Variants in HMGB1 observed in about 807,000 individuals in gnomAD.
HMGB1 encodes the protein high mobility group box 1.
For synonymous variants in HMGB1, 81 were observed against 84.0 expected (o/e 0.96, Z 0.19); for missense variants, 79 against 253.5 (o/e 0.31, Z 4.67).
Position 30,557,360 on chromosome 13 carries a change from T to C in HMGB1, c.-15+59311A>G, listed in dbSNP as rs141413500. ...TCAATGTGATCCTCCTCAACGCGAG[T>C]TCCAGAGCTAAAAAGAATGCCTAGT... On this transcript the variant is annotated intron_variant, in intron 1 of 4. Coordinates refer to the HMGB1 transcript ENST00000405805. Among the ~76,000 whole-genome samples the C allele has an allele frequency of 5.1e-3, 783 of 152,268 alleles. 8 individuals carry two copies. The highest frequency in any genetic ancestry group is 0.014 in the Middle Eastern group (4 of 294).
chr13:30,538,510 C>CTTTATTT (rs1164550479), intron 1 of HMGB1, among the ~76,000 whole-genome samples: 1 of 82,230 alleles, frequency 1.2e-5, no homozygotes, highest in African/African-American at 8.6e-5. Flanking sequence ...TTCTTTCTTT[C>CTTTATTT]CTTTCTTTCT....
chr13:30,471,035 G>A (rs1886911540), intron 1 of HMGB1, among the ~76,000 whole-genome samples: 1 of 151,948 alleles, frequency 6.6e-6, no homozygotes. Flanking sequence ...TTGGAGTGCA[G>A]TGGTGTGGTC....
intron 4 of HMGB1, chr13:30,462,316 A>C (rs1886400115): frequency 1.8e-6 from 1 of 566,724 alleles, no homozygotes; most frequent in African/African-American, 1.9e-5. Context: ...GGAATAACAA[A>C]ACCAACATAA....
chr13:30,546,699 T>A (rs1593303821), intron 1 of HMGB1, among the ~76,000 whole-genome samples: 1 of 151,926 alleles, frequency 6.6e-6, no homozygotes, highest in Non-Finnish European at 1.5e-5. Context: ...TGTCCAGACT[T>A]GTCTTGAACT....
At chr13:30,509,480 C>CTGAG (rs1219744822) in intron 1 of HMGB1, among the ~76,000 whole-genome samples, 23 of 152,188 alleles carry the variant, frequency 1.5e-4, no homozygotes, top group African/African-American at 5.5e-4. Context: ...TCAAATTATT[C>CTGAG]ACCTGCCTCA....
chr13:30,617,550 G>C (rs1250727608), exon 1 of HMGB1: 1 of 152,262 alleles, frequency 6.6e-6, no homozygotes, highest in African/African-American at 2.4e-5. Context: ...CCACGGAACA[G>C]CGACGCGCAA....
intron 1 of HMGB1, among the ~76,000 whole-genome samples, chr13:30,609,247 C>G (rs1452586489): frequency 2.0e-5 from 3 of 152,096 alleles, no homozygotes; most frequent in Non-Finnish European, 2.9e-5. Flanking sequence ...GTGACAGAGC[C>G]AGACTCCGTC....
At chr13:30,604,247 T>C (rs1378412046) in intron 1 of HMGB1, among the ~76,000 whole-genome samples, 1 of 152,136 alleles carries the variant, frequency 6.6e-6, no homozygotes, top group African/African-American at 2.4e-5. Flanking sequence ...ACAGGAAGGT[T>C]GTGAAGAAAA....
intron 1 of HMGB1, among the ~76,000 whole-genome samples, chr13:30,465,395 C>T (rs1171661374): frequency 6.9e-6 from 1 of 144,078 alleles, no homozygotes; most frequent in African/African-American, 2.5e-5. Flanking sequence ...CCCGCCGCCG[C>T]CGCCGAGCCG....
chr13:30,493,671 G>A (rs150346675), intron 1 of HMGB1, among the ~76,000 whole-genome samples: 47 of 152,242 alleles, frequency 3.1e-4, no homozygotes, highest in African/African-American at 1.0e-3. Flanking sequence ...AGGCGCACAC[G>A]CCTGTGGTCC....
chr13:30,536,415 T>C (rs182904218), intron 1 of HMGB1, among the ~76,000 whole-genome samples: 2 of 152,274 alleles, frequency 1.3e-5, no homozygotes, highest in East Asian at 3.9e-4. Flanking sequence ...AGTGGTGCGA[T>C]CTCGGCTCAC....
intron 1 of HMGB1, among the ~76,000 whole-genome samples, chr13:30,598,843 T>C (rs1445415455): frequency 6.6e-6 from 1 of 152,106 alleles, no homozygotes; most frequent in Non-Finnish European, 1.5e-5. Context: ...ACAACAAAAA[T>C]TTATTATTTA....
chr13:30,461,379 T>C lies in HMGB1; in HGVS notation c.626A>G (p.Glu209Gly). 6.4e-7 allele frequency: 1 copy of C among 1,562,918 alleles called. No homozygotes were observed. The highest frequency in any genetic ancestry group is 2.0e-5 in the Admixed American group (1 of 48,884). The stretch of plus-strand genomic sequence containing the variant: ...AACTTATTCATCATCATCATCTTCT[T>C]CTTCATCTTCATCTTCTTCATCTTC... ...EEEDEEDEDE[E>G]EDDDDE The change falls in exon 5 of 5, where the codon GAA becomes GGA. Residue 209 changes from glutamate to glycine, a missense_variant. Glu to Gly is a moderately conservative substitution (Grantham distance 98). Transcript: ENST00000341423.
chr13:30,521,157 T>C (rs1888229239), intron 1 of HMGB1, among the ~76,000 whole-genome samples: 1 of 152,248 alleles, frequency 6.6e-6, no homozygotes, highest in Admixed American at 6.5e-5. Flanking sequence ...TTTGGTCATT[T>C]GCTGAAAACC....
intron 1 of HMGB1, among the ~76,000 whole-genome samples, chr13:30,486,601 G>A (rs1447703589): frequency 3.3e-5 from 5 of 152,180 alleles, no homozygotes; most frequent in Admixed American, 6.5e-5. Flanking sequence ...GAAAAATAAA[G>A]CAGGGGAACC....
At chr13:30,508,811 G>A (rs534276873) in intron 1 of HMGB1, among the ~76,000 whole-genome samples, 1 of 152,210 alleles carries the variant, frequency 6.6e-6, no homozygotes, top group African/African-American at 2.4e-5. Context: ...TCATTCATTA[G>A]CTGTGCTTTT....
intron 1 of HMGB1, among the ~76,000 whole-genome samples, chr13:30,570,452 T>A (rs1172170649): frequency 2.0e-5 from 3 of 152,248 alleles, no homozygotes; most frequent in Admixed American, 6.5e-5. Flanking sequence ...CTTTTTCACT[T>A]TGAACTTCTG....
chr13:30,555,248 C>T lies in HMGB1; in HGVS notation c.-15+61423G>A, dbSNP rs188762635. Among the ~76,000 whole-genome samples, 48 of 151,766 alleles carry T rather than the reference C, an allele frequency of 3.2e-4. No homozygotes were observed. The East Asian group carries it at 4.8e-3, about 15-fold the overall frequency. Reference sequence around the variant, plus strand: ...AGTAGAGATGGGGTTTCACCGTGTTCGCCAGGATGGTCTCGATCTCCTGAC... The same window carrying T: ...AGTAGAGATGGGGTTTCACCGTGTTTGCCAGGATGGTCTCGATCTCCTGAC... On this transcript the variant is annotated intron_variant, in intron 1 of 4. Coordinates refer to the HMGB1 transcript ENST00000405805.
intron 1 of HMGB1, among the ~76,000 whole-genome samples, chr13:30,483,617 C>CTTT (rs61395953): frequency 0.015 from 2,033 of 135,856 alleles, 73 homozygotes; most frequent in African/African-American, 0.05. Context: ...GTGCAAATTT[C>CTTT]TTTTTTTTTT....
Sources: allele counts gnomAD v4.1 joint callset (sites outside exome capture counted in the v4.1 genomes callset), GRCh38; gene constraint gnomAD v4.1.1; transcripts MANE v1.5; gene names NCBI Gene and HGNC (gene_info 2026-07-23, HGNC 2026-07-21).